C6orf118: variants seen among roughly 807,000 people sequenced by gnomAD.
C6orf118 encodes chromosome 6 open reading frame 118.
Under a neutral mutation model 50.2 loss-of-function variants are expected in C6orf118, and 50 were observed. The observed-to-expected ratio is 1.00, with a 90% CI of 0.79 to 1.26. The LOEUF (loss-of-function observed/expected upper bound fraction) is 1.26, where lower values mean the gene tolerates loss of function less well. C6orf118 is among the 50% of genes most tolerant of loss of function. C6orf118 has a pLI of 0.00. For synonymous variants in C6orf118, 239 were observed against 230.9 expected (o/e 1.03, Z -0.32); for missense variants, 641 against 578.7 (o/e 1.11, Z -1.10).
intron 6 of C6orf118, among the ~76,000 whole-genome samples, chr6:165,292,903 A>G (rs553660278): frequency 2.0e-5 from 3 of 152,224 alleles, no homozygotes; most frequent in Non-Finnish European, 4.4e-5. Flanking sequence ...AATTCAAAAC[A>G]GGATAGTCCT....
intron 1 of C6orf118, among the ~76,000 whole-genome samples, chr6:165,307,555 C>A (rs1381025456): frequency 7.3e-5 from 10 of 136,140 alleles, no homozygotes; most frequent in South Asian, 4.7e-4. Flanking sequence ...GAGACTGCCT[C>A]AAAAAAAAAA....
chr6:165,289,475 A>T (rs1436530295), intron 7 of C6orf118, among the ~76,000 whole-genome samples: 1 of 152,096 alleles, frequency 6.6e-6, no homozygotes, highest in Non-Finnish European at 1.5e-5. Context: ...GTATGAGTGC[A>T]GTTGTATTAC....
Position 165,297,960 on chromosome 6 carries a change from C to T in C6orf118, c.1061+17G>A, listed in dbSNP as rs757928643. On this transcript the variant is annotated intron_variant, in intron 5 of 8. Transcript: ENST00000230301. ...GAAGAATCTAAACATAGATCAGATC[C>T]GTCCCTCATGCCTCACCTATCATTC... 6 of 1,613,428 alleles carry T rather than the reference C, an allele frequency of 3.7e-6. No homozygotes were observed. Among genetic ancestry groups the T allele is most frequent in the Admixed American group, 1.7e-5 (1 of 60,020 alleles).
At chr6:165,280,147 A>G in intron 8 of C6orf118, 37 bp from the exon 9 acceptor site, 1 of 1,392,604 alleles carries the variant, frequency 7.2e-7, no homozygotes, top group Non-Finnish European at 9.9e-7. Flanking sequence ...ATAGGTTAGA[A>G]AAAAATACAT....
In C6orf118 at chr6:165,289,986, C is replaced by T. The variant is rs1583007513; in HGVS notation, c.1202G>A (p.Ser401Asn). The T allele has an allele frequency of 1.2e-6, 2 of 1,611,148 alleles. No homozygotes were observed. Among genetic ancestry groups the T allele is most frequent in the Non-Finnish European group, 1.7e-6 (2 of 1,178,388 alleles). ...KVEKKRCEIL[S>N]KWDEIQALEK... ...CAGAGCTTGTATCTCATCCCACTTA[C>T]TGAGTATTTCACACCTCTTCTTTTC... is the stretch of plus-strand genomic sequence containing the variant. Residue 401 changes from serine (S) to asparagine (N), a missense_variant, in exon 7 of 9, where the codon AGT becomes AAT. Physicochemically the swap from Ser to Asn is conservative, Grantham distance 46. Coordinates refer to ENST00000230301, the MANE Select transcript of C6orf118 (RefSeq NM_144980.4).
intron 7 of C6orf118, among the ~76,000 whole-genome samples, chr6:165,289,181 AAAAAG>A (rs1780021569): frequency 6.6e-6 from 1 of 151,354 alleles, no homozygotes. Flanking sequence ...CTCCAAAAAA[AAAAAG>A]AAAAAGAAAA....
chr6:165,298,619 T>C (rs1780400266), intron 4 of C6orf118, among the ~76,000 whole-genome samples: 1 of 152,180 alleles, frequency 6.6e-6, no homozygotes, highest in Admixed American at 6.5e-5. Flanking sequence ...ATGCTCACAT[T>C]TGACCGAGAT....
chr6:165,279,791 C>T lies in C6orf118; in HGVS notation c.*266G>A. ...TTAGCAAATAATCAAAAGTATTTTC[C>T]AAAGTTGAACATTATTAAATGAAAG... On this transcript the variant is annotated 3_prime_UTR_variant, in exon 9 of 9. Coordinates refer to ENST00000230301, the MANE Select transcript of C6orf118 (RefSeq NM_144980.4). 2 of 338,200 alleles carry T rather than the reference C, an allele frequency of 5.9e-6. No homozygotes were observed. Among genetic ancestry groups the T allele is most frequent in the Non-Finnish European group, 1.1e-5 (2 of 189,516 alleles). 20.9% of individuals were successfully genotyped at this position (338,200 alleles called of 1,614,324 possible).
Position 165,301,807 on chromosome 6 carries a change from C to G in C6orf118, c.515G>C (p.Arg172Pro). The change falls in exon 2 of 9, where the codon CGC becomes CCC. Residue 172 changes from arginine (R) to proline (P), a missense_variant. Transcript: ENST00000230301. ...GPPGRGPPGW[R>P]RREELRLPDL... ...GGGCAGCCGGAGTTCTTCCCTCCTG[C>G]GCCATCCAGGAGGGCCCCGTCCAGG... is the stretch of plus-strand genomic sequence containing the variant. 1 of 1,613,938 alleles carries G rather than the reference C, an allele frequency of 6.2e-7. No homozygotes were observed. Among genetic ancestry groups the G allele is most frequent in the Non-Finnish European group, 8.5e-7 (1 of 1,179,988 alleles).
At chr6:165,295,782 C>T (rs1455995111) in intron 5 of C6orf118, among the ~76,000 whole-genome samples, 1 of 151,954 alleles carries the variant, frequency 6.6e-6, no homozygotes, top group East Asian at 1.9e-4. Flanking sequence ...CTAAACTTTC[C>T]TTTCTTGCTC....
rs1057505365 is a variant in C6orf118 at position 165,301,951 on chromosome 6, T to G, written c.371A>C (p.Gln124Pro). ...CAGGTACCTGAACAGCGGGGTGTCC[T>G]GGGCCTCACTGGGGACCAGGGCCGT... ...IHTALVPSEA[Q>P]DTPLFRYLNP... The change falls in exon 2 of 9, where the codon CAG becomes CCG. Residue 124 changes from glutamine (Q) to proline (P), a missense_variant. Gln to Pro is a moderately conservative substitution (Grantham distance 76, BLOSUM62 -1). Transcript: ENST00000230301. The G allele has an allele frequency of 2.5e-5, 40 of 1,613,718 alleles. No homozygotes were observed. Among genetic ancestry groups the G allele is most frequent in the Non-Finnish European group, 3.1e-5 (37 of 1,179,992 alleles).
At chr6:165,286,827 G>A (rs553328034) in intron 7 of C6orf118, among the ~76,000 whole-genome samples, 2 of 152,188 alleles carry the variant, frequency 1.3e-5, no homozygotes, top group Non-Finnish European at 2.9e-5. Context: ...TATACTGACT[G>A]GGCAAAAGCT....
intron 3 of C6orf118, among the ~76,000 whole-genome samples, 181 bp from the exon 4 acceptor site, chr6:165,299,683 T>C (rs146371976): frequency 4.5e-4 from 68 of 152,326 alleles, no homozygotes; most frequent in Non-Finnish European, 7.1e-4. Flanking sequence ...TCACACCATC[T>C]TTGAAGCATA....
chr6:165,299,776 C>G (rs1380843655), intron 3 of C6orf118, among the ~76,000 whole-genome samples: 1 of 152,186 alleles, frequency 6.6e-6, no homozygotes, highest in Non-Finnish European at 1.5e-5. Flanking sequence ...ATCTCTGCCT[C>G]CCGGTTCAAG....
chr6:165,290,961 G>C lies in C6orf118; in HGVS notation c.1121-894C>G, dbSNP rs145065999. On this transcript the variant is annotated intron_variant, in intron 6 of 8. Coordinates refer to ENST00000230301, the MANE Select transcript of C6orf118 (RefSeq NM_144980.4). ...GGAGGAAGTTCCATCTTACATGGAT[G>C]GCAGCAGCCAAAGAGAGAATGAGAA... Among the ~76,000 whole-genome samples, 119 of 152,338 alleles carry C rather than the reference G, an allele frequency of 7.8e-4. 4 individuals are homozygous for C. The East Asian group carries it at 0.017, about 22-fold the overall frequency.
intron 7 of C6orf118, among the ~76,000 whole-genome samples, chr6:165,288,078 T>C (rs563131724): frequency 6.6e-6 from 1 of 152,128 alleles, no homozygotes; most frequent in Non-Finnish European, 1.5e-5. Flanking sequence ...CTTGAACAAA[T>C]TTACAAGAAA....
At chr6:165,308,691 C>T (rs1486700302) in intron 1 of C6orf118, among the ~76,000 whole-genome samples, 2 of 152,154 alleles carry the variant, frequency 1.3e-5, no homozygotes, top group African/African-American at 4.8e-5. Context: ...CGGTGTGCGG[C>T]ATGCTGATTC....
chr6:165,303,423 G>A (rs530123791), intron 1 of C6orf118, among the ~76,000 whole-genome samples: 7 of 148,658 alleles, frequency 4.7e-5, no homozygotes, highest in African/African-American at 1.8e-4. Context: ...AGAAAAGCAA[G>A]AGCAAACACA....
At chr6:165,298,592 G>A (rs1482540901) in intron 4 of C6orf118, among the ~76,000 whole-genome samples, 1 of 152,164 alleles carries the variant, frequency 6.6e-6, no homozygotes, top group African/African-American at 2.4e-5. Context: ...GGGCCCTGCT[G>A]GCCTGGGAAT....
Sources: gnomAD v4.1 joint callset for allele counts (sites outside exome capture counted in the v4.1 genomes callset) on GRCh38, gnomAD v4.1.1 for gene constraint, MANE v1.5 for transcripts, NCBI Gene and HGNC (gene_info 2026-07-23, HGNC 2026-07-21) for gene names.